Variants in IQSEC1 observed in about 807,000 individuals in gnomAD.
IQSEC1 encodes IQ motif and Sec7 domain ArfGEF 1.
A neutral mutation model predicts 91.0 loss-of-function variants in IQSEC1; 31 were observed. That is an observed-to-expected ratio of 0.34 (90% CI 0.26 to 0.46). IQSEC1 has a LOEUF of 0.46. Among genes scored for constraint, IQSEC1 ranks in the 20% least tolerant of loss-of-function variants. IQSEC1 has a pLI of 1.00. For missense variants in IQSEC1, 1,388 were observed against 1,575.6 expected, an observed-to-expected ratio of 0.88 and a Z score of 2.02; for synonymous variants, 699 against 662.6, an observed-to-expected ratio of 1.05 and a Z score of -0.84.
chr3:12,972,356 C>A (rs1700947850), intron 1 of IQSEC1, among the ~76,000 whole-genome samples: 1 of 152,082 alleles, frequency 6.6e-6, no homozygotes, highest in African/African-American at 2.4e-5. Context: ...GACTGAAGGT[C>A]TTCTGACATC....
Position 12,900,637 on chromosome 3 carries a change from C to T in IQSEC1, c.*346G>A, listed in dbSNP as rs543828538. The T allele has an allele frequency of 6.2e-6, 7 of 1,120,376 alleles. No individual in the cohort carries two copies. The African/African-American group carries it at 9.7e-5, about 16-fold the overall frequency. The allele number at this position is 1,120,376 out of a possible 1,614,324, so 69.4% of individuals were successfully genotyped here. A position where few individuals can be genotyped will look rare whatever the true frequency, so the allele number is the denominator to read the frequency against. ...TTCTTCGTTTTCTAGGTTGGGTTTT[C>T]ATATGCATGTACATTAGGGCACAGG... On this transcript the variant is annotated 3_prime_UTR_variant, in exon 14 of 14. Coordinates refer to ENST00000613206, the MANE Select transcript of IQSEC1 (RefSeq NM_001134382.3).
chr3:13,244,135 C>T (rs1325633249), intron 1 of IQSEC1, among the ~76,000 whole-genome samples: 1 of 152,200 alleles, frequency 6.6e-6, no homozygotes, highest in African/African-American at 2.4e-5. Flanking sequence ...GACTCCAGCG[C>T]ATGCTGTTGC....
chr3:13,081,556 AC>A (rs1156906126), intron 2 of IQSEC1, among the ~76,000 whole-genome samples: 7 of 152,376 alleles, frequency 4.6e-5, no homozygotes, highest in Admixed American at 3.3e-4. Context: ...GGCATGAGCC[AC>A]CATGCCTGGC....
chr3:13,184,831 C>T (rs778819722), intron 1 of IQSEC1, among the ~76,000 whole-genome samples: 5 of 152,102 alleles, frequency 3.3e-5, no homozygotes, highest in Non-Finnish European at 7.4e-5. Context: ...AGTGAAAAAG[C>T]AAGGGAGCGA....
chr3:13,262,699 T>C (rs1016759264), intron 1 of IQSEC1, among the ~76,000 whole-genome samples: 4 of 152,214 alleles, frequency 2.6e-5, no homozygotes, highest in Non-Finnish European at 5.9e-5. Context: ...ACAAATGTGG[T>C]CTGTCCACAC....
intron 1 of IQSEC1, among the ~76,000 whole-genome samples, chr3:13,245,004 G>C (rs9869761): frequency 0.064 from 9,809 of 152,276 alleles, 1,036 homozygotes; most frequent in African/African-American, 0.22. Flanking sequence ...GTATCTGCTA[G>C]CTAGGGCCAC....
At chr3:13,170,837 C>G (rs11922648) in intron 1 of IQSEC1, among the ~76,000 whole-genome samples, 5,327 of 152,216 alleles carry the variant, frequency 0.035, 318 homozygotes, top group African/African-American at 0.12. Context: ...CGGTGGCTCA[C>G]GCCTGTAATC....
In IQSEC1 at chr3:13,100,775, G is replaced by T. The variant is rs552473428; in HGVS notation, c.303-53253C>A. 1.8e-3 allele frequency among the ~76,000 whole-genome samples: 269 copies of T among 148,978 alleles called. 30 individuals are homozygous for T. Among genetic ancestry groups the T allele is most frequent in the Admixed American group, 2.8e-3 (42 of 15,038 alleles). ...TTCATTGGACACTGGTCTGGGCCAT[G>T]GGGATTGAGCAGTAAGTAGGAAAGA... is the stretch of plus-strand genomic sequence containing the variant. On this transcript the variant is annotated intron_variant, in intron 2 of 15. Coordinates refer to the IQSEC1 transcript ENST00000648114.
intron 1 of IQSEC1, among the ~76,000 whole-genome samples, chr3:12,977,776 G>A (rs1701258275): frequency 6.6e-6 from 1 of 152,214 alleles, no homozygotes; most frequent in Non-Finnish European, 1.5e-5. Context: ...TCTCCTAAGT[G>A]AGTTAAACAT....
chr3:13,273,555 G>A (rs1695623610), intron 1 of IQSEC1, among the ~76,000 whole-genome samples: 1 of 152,156 alleles, frequency 6.6e-6, no homozygotes, highest in South Asian at 2.1e-4. Flanking sequence ...CGATTGTTGG[G>A]GGAAAAGAGA....
intron 1 of IQSEC1, among the ~76,000 whole-genome samples, chr3:13,223,292 G>T (rs754416394): frequency 2.6e-5 from 4 of 152,208 alleles, no homozygotes; most frequent in Non-Finnish European, 5.9e-5. Context: ...CTCAGGTTTA[G>T]ACTGGATCCA....
At position 13,103,012 on chromosome 3, in the gene IQSEC1, G is replaced by C. The variant is rs1326497871; in HGVS notation, c.303-55490C>G. On this transcript the variant is annotated intron_variant, in intron 2 of 15. Transcript: ENST00000648114. This position sits in a 1 kb window ranked among gnomAD's most constrained non-coding sequence, Gnocchi z 4.1. ...AGAGAGGGGCTCAGATCAGGTGCTTGGTGCCCCCCTACCTCAACCTGTGGG... is the reference window on the plus strand; with the variant it reads ...AGAGAGGGGCTCAGATCAGGTGCTTCGTGCCCCCCTACCTCAACCTGTGGG... Among the ~76,000 whole-genome samples, 1 of 152,156 alleles carries C rather than the reference G, an allele frequency of 6.6e-6. No homozygotes were observed. Among genetic ancestry groups the C allele is most frequent in the Non-Finnish European group, 1.5e-5 (1 of 68,028 alleles).
At chr3:13,117,358 G>A (rs7639368) in intron 2 of IQSEC1, among the ~76,000 whole-genome samples, 1,716 of 150,458 alleles carry the variant, frequency 0.011, 30 homozygotes, top group African/African-American at 0.04. Flanking sequence ...AGGCGGAGGC[G>A]GGCGGATCAC....
At chr3:12,995,907 G>T (rs1257116437) in intron 1 of IQSEC1, among the ~76,000 whole-genome samples, 1 of 152,202 alleles carries the variant, frequency 6.6e-6, no homozygotes, top group Non-Finnish European at 1.5e-5. Context: ...GGCTAGGTGT[G>T]GTGGCTCATG....
rs1340205057 is a variant in IQSEC1, at chr3:13,282,084, C to T, written c.272+627G>A. The stretch of plus-strand genomic sequence containing the variant: ...GACAGCCCCGCCCTGTACCTCTCCC[C>T]ATCCCTCACTTAATCCTGGGTCCGA... On this transcript the variant is annotated intron_variant, in intron 1 of 15. Transcript: ENST00000648114. The surrounding 1 kb of genome is among the most constrained non-coding windows in gnomAD (Gnocchi z 6.4). 6.6e-6 allele frequency among the ~76,000 whole-genome samples: 1 copy of T among 152,178 alleles called. No individual in the cohort carries two copies. The highest frequency in any genetic ancestry group is 1.9e-4 in the East Asian group (1 of 5,184).
At chr3:13,283,066 C>G (rs1295434856) in exon 1 of IQSEC1, among the ~76,000 whole-genome samples, 1 of 144,466 alleles carries the variant, frequency 6.9e-6, no homozygotes, top group Non-Finnish European at 1.5e-5. Flanking sequence ...GCGGCGGGGA[C>G]GGCGGCTCGG....
chr3:12,911,770 G>A, intron 9 of IQSEC1, 42 bp from the exon 10 acceptor site: 1 of 1,389,198 alleles, frequency 7.2e-7, no homozygotes, highest in East Asian at 2.3e-5. Context: ...AGTGTCTCGG[G>A]GGGCACTGAC....
rs1698118720 is a variant in IQSEC1 at position 12,935,769 on chromosome 3, A to G, written c.1247T>C (p.Leu416Pro). The G allele has an allele frequency of 2.5e-6, 4 of 1,606,344 alleles. No homozygotes were observed. In the East Asian group the frequency reaches 9.0e-5, roughly 36 times the overall value. Residue 416 changes from leucine (L) to proline (P), a missense_variant, in exon 3 of 14, where the codon CTC becomes CCC. Around this residue, in one of 2 missense-constraint regions of IQSEC1, gnomAD observed 1,059 missense variants for 1,317.8 expected, o/e 0.80. Transcript: ENST00000613206. This position sits in a 1 kb window ranked among gnomAD's most constrained non-coding sequence, Gnocchi z 8.0. ...CCGCAACTCAGGCTCCTCCCGGGGGAGGCTCTTGGGGGCGCCGCTGTGGGG... is the reference window on the plus strand; with the variant it reads ...CCGCAACTCAGGCTCCTCCCGGGGGGGGCTCTTGGGGGCGCCGCTGTGGGG... ...HGPHSGAPKS[L>P]PREEPELRPR...
chr3:12,931,522 C>T (rs1358876880), intron 3 of IQSEC1, among the ~76,000 whole-genome samples: 2 of 152,238 alleles, frequency 1.3e-5, no homozygotes. Flanking sequence ...TTGGTCCAGG[C>T]TCTGCACAGG....
Sources: gnomAD v4.1 joint callset for allele counts (sites outside exome capture counted in the v4.1 genomes callset) on GRCh38, gnomAD v4.1.1 for gene constraint, gnomAD v4.1.1 regional missense constraint, Gnocchi (gnomAD v3.1) non-coding constraint, MANE v1.5 for transcripts, NCBI Gene and HGNC (gene_info 2026-07-23, HGNC 2026-07-21) for gene names.